Variants in THSD7B observed in about 807,000 individuals in gnomAD.
The protein encoded by THSD7B is thrombospondin type 1 domain containing 7B.
Under a neutral mutation model 213.6 loss-of-function variants are expected in THSD7B, and 138 were observed. The ratio of observed to expected loss-of-function variants is 0.65; its 90% CI spans 0.56 to 0.74. The LOEUF (loss-of-function observed/expected upper bound fraction) is 0.74. Among genes scored for constraint, THSD7B ranks in the 30% least tolerant of loss-of-function variants. The pLI, the probability that THSD7B is intolerant of heterozygous loss-of-function variation, is 0.00. For missense variants in THSD7B, 1,931 were observed against 1,991.5 expected (o/e 0.97, Z 0.58); for synonymous variants, 742 against 687.0 (o/e 1.08, Z -1.25).
intron 15 of THSD7B, among the ~76,000 whole-genome samples, chr2:137,561,233 T>C (rs996210975): frequency 6.6e-6 from 1 of 152,036 alleles, no homozygotes; most frequent in African/African-American, 2.4e-5. Flanking sequence ...CAATATACAA[T>C]CAGGTGGTCA....
At chr2:137,549,027 T>A (rs922684326) in intron 15 of THSD7B, among the ~76,000 whole-genome samples, 2 of 152,040 alleles carry the variant, frequency 1.3e-5, no homozygotes, top group African/African-American at 2.4e-5. Flanking sequence ...ATATCAAGCC[T>A]TCTTCCAGCA....
chr2:137,362,141 T>A (rs965601709), intron 12 of THSD7B, among the ~76,000 whole-genome samples: 3 of 152,136 alleles, frequency 2.0e-5, no homozygotes, highest in African/African-American at 7.2e-5. Flanking sequence ...CTAAGCTTCC[T>A]AAGTGAAGGA....
chr2:137,475,308 A>C (rs1048980170), intron 15 of THSD7B, among the ~76,000 whole-genome samples: 4 of 152,182 alleles, frequency 2.6e-5, no homozygotes, highest in Non-Finnish European at 5.9e-5. Context: ...CCATTGCCTC[A>C]AGTATTTATC....
At chr2:136,849,601 G>T (rs1012371192) in intron 1 of THSD7B, among the ~76,000 whole-genome samples, 13 of 152,068 alleles carry the variant, frequency 8.5e-5, no homozygotes, top group African/African-American at 3.1e-4. Flanking sequence ...ACATGCAGGG[G>T]GTGGGGAGTC....
intron 7 of THSD7B, among the ~76,000 whole-genome samples, chr2:137,220,084 G>T (rs890632327): frequency 4.6e-5 from 7 of 152,084 alleles, no homozygotes; most frequent in East Asian, 3.9e-4. Flanking sequence ...CTCTTTTTTT[G>T]TGTGTGTGCA....
chr2:137,035,253 CTT>C (rs1258242488), intron 2 of THSD7B, among the ~76,000 whole-genome samples: 2 of 152,164 alleles, frequency 1.3e-5, no homozygotes, highest in Admixed American at 6.5e-5. Flanking sequence ...ATACCCATCT[CTT>C]TTCTCATTTT....
chr2:136,989,987 G>A (rs1168049964), intron 2 of THSD7B, among the ~76,000 whole-genome samples: 1 of 152,016 alleles, frequency 6.6e-6, no homozygotes, highest in Non-Finnish European at 1.5e-5. Context: ...TATCTGTCCT[G>A]TCTTCTGCTT....
chr2:136,872,204 T>A lies in THSD7B; in HGVS notation c.-35-9940T>A, dbSNP rs141470240. ...AACAGGAAGTCCAGAAGTTGACAAT[T>A]CAGACAGTGGCTGCAGCTCTGTGAT... is the stretch of plus-strand genomic sequence containing the variant. On this transcript the variant is annotated intron_variant, in intron 1 of 27. Coordinates refer to ENST00000409968, the MANE Select transcript of THSD7B (RefSeq NM_001316349.2). 1.1e-3 allele frequency among the ~76,000 whole-genome samples: 165 copies of A among 152,222 alleles called. 1 individual carries two copies. The highest frequency in any genetic ancestry group is 3.9e-3 in the African/African-American group (161 of 41,540).
At chr2:136,771,954 T>C (rs886219498) in intron 1 of THSD7B, among the ~76,000 whole-genome samples, 1 of 152,144 alleles carries the variant, frequency 6.6e-6, no homozygotes, top group African/African-American at 2.4e-5. Flanking sequence ...ACCTATGAAT[T>C]GCTGCATACC....
intron 15 of THSD7B, among the ~76,000 whole-genome samples, chr2:137,492,080 C>T (rs1679422707): frequency 6.6e-6 from 1 of 152,060 alleles, no homozygotes; most frequent in African/African-American, 2.4e-5. Flanking sequence ...CTATTTTCAA[C>T]TAAATTCATT....
chr2:137,441,226 G>A (rs1169663144), intron 14 of THSD7B, among the ~76,000 whole-genome samples: 3 of 152,016 alleles, frequency 2.0e-5, no homozygotes, highest in African/African-American at 7.2e-5. Flanking sequence ...TTAATCAGGT[G>A]CTCTGATCTC....
chr2:137,676,966 G>C lies in THSD7B; in HGVS notation c.*361G>C, dbSNP rs1314155669. On this transcript the variant is annotated 3_prime_UTR_variant, in exon 28 of 28. Coordinates refer to ENST00000409968, the MANE Select transcript of THSD7B (RefSeq NM_001316349.2). Reference sequence around the variant, plus strand: ...ACAATCCAGAGGAAAATACAGTCAAGGCATTTACTCTAAATGACGAGTCTG... The same window carrying C: ...ACAATCCAGAGGAAAATACAGTCAACGCATTTACTCTAAATGACGAGTCTG... The C allele has an allele frequency of 5.6e-6, 1 of 179,736 alleles. No homozygotes were observed. Among genetic ancestry groups the C allele is most frequent in the Non-Finnish European group, 1.1e-5 (1 of 87,104 alleles). The allele number at this position is 179,736 out of a possible 1,614,324, so 11.1% of individuals were successfully genotyped here.
At chr2:137,640,984 G>A (rs1682928255) in intron 20 of THSD7B, among the ~76,000 whole-genome samples, 1 of 152,060 alleles carries the variant, frequency 6.6e-6, no homozygotes, top group Admixed American at 6.6e-5. Flanking sequence ...ATATTCTGGT[G>A]GACAGTAAGA....
At chr2:136,998,958 A>ACACACACC (rs983148887) in intron 2 of THSD7B, among the ~76,000 whole-genome samples, 4 of 129,940 alleles carry the variant, frequency 3.1e-5, no homozygotes, top group East Asian at 2.3e-4. Flanking sequence ...ACACACACAC[A>ACACACACC]CCCCTGCTTT....
intron 15 of THSD7B, among the ~76,000 whole-genome samples, chr2:137,466,536 C>A (rs892398040): frequency 6.6e-6 from 1 of 151,774 alleles, no homozygotes; most frequent in South Asian, 2.1e-4. Context: ...ATTAGTGTTA[C>A]TGTGTTTTAT....
At chr2:137,035,791 A>T (rs1056629224) in intron 2 of THSD7B, among the ~76,000 whole-genome samples, 1 of 152,184 alleles carries the variant, frequency 6.6e-6, no homozygotes, top group African/African-American at 2.4e-5. Flanking sequence ...AAGGGCTTTG[A>T]TATGCCTCAA....
At chr2:137,419,534 T>A (rs1465953821) in intron 14 of THSD7B, among the ~76,000 whole-genome samples, 1 of 151,394 alleles carries the variant, frequency 6.6e-6, no homozygotes, top group Non-Finnish European at 1.5e-5. Flanking sequence ...TGTGGCTGGG[T>A]CCAGGGCTTT....
At chr2:137,133,538 T>A (rs911850490) in intron 5 of THSD7B, among the ~76,000 whole-genome samples, 6 of 152,190 alleles carry the variant, frequency 3.9e-5, no homozygotes, top group African/African-American at 1.4e-4. Flanking sequence ...AAAGTTGGCG[T>A]GGGAGTGGGA....
At chr2:137,154,431 T>C (rs917850022) in intron 5 of THSD7B, among the ~76,000 whole-genome samples, 15 of 152,192 alleles carry the variant, frequency 9.9e-5, no homozygotes, top group African/African-American at 3.1e-4. Flanking sequence ...ATGACTCTTA[T>C]AGTACCTCTT....
Sources: allele counts gnomAD v4.1 joint callset (sites outside exome capture counted in the v4.1 genomes callset), GRCh38; gene constraint gnomAD v4.1.1; transcripts MANE v1.5; gene names NCBI Gene and HGNC (gene_info 2026-07-23, HGNC 2026-07-21).